The following PABPC4L variants were observed in gnomAD, a reference collection of about 807,000 sequenced individuals.
PABPC4L encodes the protein poly(A) binding protein cytoplasmic 4 like.
For missense variants in PABPC4L, 452 were observed against 451.4 expected (o/e 1.00, Z -0.01); for synonymous variants, 169 against 164.1 (o/e 1.03, Z -0.23).
the PABPC4L span, among the ~76,000 whole-genome samples, chr4:133,950,979 T>C: frequency 8.7e-4 from 133 of 152,362 alleles, 1 homozygote; most frequent in African/African-American, 3.1e-3. Context: ...TACATAATGC[T>C]GTCTTGGCCT....
chr4:133,963,470 A>C, the PABPC4L span, among the ~76,000 whole-genome samples: 1 of 152,162 alleles, frequency 6.6e-6, no homozygotes, highest in Non-Finnish European at 1.5e-5. Context: ...ATGGATTTAA[A>C]ATATACCTTG....
the PABPC4L span, among the ~76,000 whole-genome samples, chr4:133,993,803 C>T: frequency 1.3e-5 from 2 of 152,070 alleles, no homozygotes; most frequent in Non-Finnish European, 2.9e-5. Flanking sequence ...AGCCAGTGGA[C>T]CAGGCAGTGA....
At chr4:134,127,084 C>T in the PABPC4L span, among the ~76,000 whole-genome samples, 1 of 151,940 alleles carries the variant, frequency 6.6e-6, no homozygotes, top group East Asian at 1.9e-4. Context: ...AACTCTATTC[C>T]CTGGGAACCA....
chr4:134,126,501 A>C, the PABPC4L span, among the ~76,000 whole-genome samples: 3 of 152,126 alleles, frequency 2.0e-5, no homozygotes, highest in Non-Finnish European at 4.4e-5. Context: ...TCCCATGCTT[A>C]TTAAAGAGAC....
chr4:133,998,550 T>A, the PABPC4L span, among the ~76,000 whole-genome samples: 1 of 152,050 alleles, frequency 6.6e-6, no homozygotes, highest in Non-Finnish European at 1.5e-5. Flanking sequence ...TCATCTTGAA[T>A]ATTATAAACC....
At chr4:133,960,692 C>A in the PABPC4L span, among the ~76,000 whole-genome samples, 105 of 152,242 alleles carry the variant, frequency 6.9e-4, no homozygotes, top group Non-Finnish European at 1.1e-3. Flanking sequence ...CCTGATTGCC[C>A]ACTGCCTGGA....
At chr4:134,143,561 C>T in the PABPC4L span, among the ~76,000 whole-genome samples, 7 of 150,714 alleles carry the variant, frequency 4.6e-5, no homozygotes, top group East Asian at 3.9e-4. Context: ...GGCATATCTT[C>T]GTAATAATTT....
At chr4:134,101,887 C>A in the PABPC4L span, among the ~76,000 whole-genome samples, 2 of 151,350 alleles carry the variant, frequency 1.3e-5, no homozygotes, top group Admixed American at 6.6e-5. Flanking sequence ...AAGTTATATA[C>A]AAAATAGCAT....
the PABPC4L span, among the ~76,000 whole-genome samples, chr4:134,128,755 C>G: frequency 6.6e-6 from 1 of 151,806 alleles, no homozygotes; most frequent in East Asian, 1.9e-4. Flanking sequence ...AAAGAAATAA[C>G]ACAATGAAAA....
the PABPC4L span, among the ~76,000 whole-genome samples, chr4:134,076,579 G>A: frequency 1.3e-5 from 2 of 152,112 alleles, no homozygotes; most frequent in African/African-American, 4.8e-5. Flanking sequence ...AAGCAAATGA[G>A]TAACTAGTGG....
the PABPC4L span, among the ~76,000 whole-genome samples, chr4:134,094,679 A>G: frequency 0.19 from 28,238 of 151,696 alleles, 3,266 homozygotes; most frequent in Admixed American, 0.25. Flanking sequence ...ATCACTAAAA[A>G]CATTCATACC....
At chr4:133,993,212 G>A in the PABPC4L span, among the ~76,000 whole-genome samples, 2 of 152,106 alleles carry the variant, frequency 1.3e-5, no homozygotes, top group African/African-American at 4.8e-5. Context: ...TAGTGTTGCA[G>A]GGTCCTTACT....
At chr4:134,141,415 A>G in the PABPC4L span, among the ~76,000 whole-genome samples, 1 of 151,188 alleles carries the variant, frequency 6.6e-6, no homozygotes, top group African/African-American at 2.4e-5. Context: ...TTGATGAGCT[A>G]TAGTTTTCAA....
At chr4:134,078,993 G>T in the PABPC4L span, among the ~76,000 whole-genome samples, 9 of 114,736 alleles carry the variant, frequency 7.8e-5, no homozygotes, top group South Asian at 2.5e-3. Context: ...TTTTTTTGAG[G>T]TGGAGTCTTG....
At chr4:134,048,018 T>A in the PABPC4L span, among the ~76,000 whole-genome samples, 2 of 152,060 alleles carry the variant, frequency 1.3e-5, no homozygotes, top group Admixed American at 1.3e-4. Flanking sequence ...TAAAACATGC[T>A]TTTTTCCCAA....
chr4:133,978,455 A>G, the PABPC4L span, among the ~76,000 whole-genome samples: 6 of 152,052 alleles, frequency 3.9e-5, no homozygotes, highest in African/African-American at 1.4e-4. Flanking sequence ...AAATAATAAT[A>G]ATAACGACAA....
At chr4:134,074,384 T>A in the PABPC4L span, among the ~76,000 whole-genome samples, 1 of 152,146 alleles carries the variant, frequency 6.6e-6, no homozygotes, top group Non-Finnish European at 1.5e-5. Flanking sequence ...GGCATTTTGG[T>A]CAAAGCCATT....
the PABPC4L span, among the ~76,000 whole-genome samples, chr4:133,997,004 T>G: frequency 6.6e-6 from 1 of 152,178 alleles, no homozygotes. Context: ...GATAAGACAA[T>G]CAGCTGCCTT....
At chr4:133,980,183 C>T in the PABPC4L span, among the ~76,000 whole-genome samples, 1 of 152,108 alleles carries the variant, frequency 6.6e-6, no homozygotes, top group Admixed American at 6.6e-5. Flanking sequence ...AGTAGACAAA[C>T]AGTATTTTTG....
Sources: allele counts gnomAD v4.1 joint callset (sites outside exome capture counted in the v4.1 genomes callset), GRCh38; gene constraint gnomAD v4.1.1; transcripts MANE v1.5; gene names NCBI Gene and HGNC (gene_info 2026-07-23, HGNC 2026-07-21).